PREX2: variants seen among roughly 807,000 people sequenced by gnomAD.
PREX2 encodes the protein phosphatidylinositol 3,4,5-trisphosphate-dependent Rac exchanger 2 protein.
Under a neutral mutation model 203.2 loss-of-function variants are expected in PREX2, and 107 were observed. The observed-to-expected ratio is 0.53, with a 90% confidence interval of 0.45 to 0.62. PREX2 has a LOEUF of 0.62. Ranked by LOEUF, PREX2 falls within the 20% of genes least tolerant of loss-of-function variation. PREX2 has a pLI of 0.00. For missense variants in PREX2, 1,777 were observed against 1,955.9 expected, an observed-to-expected ratio of 0.91 and a Z score of 1.72; for synonymous variants, 672 against 663.6, an observed-to-expected ratio of 1.01 and a Z score of -0.19.
intron 19 of PREX2, among the ~76,000 whole-genome samples, chr8:68,089,000 C>T (rs1236697686): frequency 2.0e-5 from 3 of 152,122 alleles, no homozygotes; most frequent in African/African-American, 7.2e-5. Context: ...CAAGTGCTTT[C>T]TCTCTCAGAT....
In PREX2 at chr8:68,022,053, C is replaced by T; in HGVS notation, c.354C>T (p.Ile118=). The part of the protein sequence containing the change: ...CFLHFKDKFR[I]YDEYCSNHEK... ...ATTCACAGAAAGACAAGTTTCGTAT[C>T]TATGATGAATATTGTAGTAACCATG... Residue 118 remains isoleucine (I), a synonymous_variant, in exon 4 of 40, where the codon ATC becomes ATT. Transcript: ENST00000288368. 6.7e-7 allele frequency: 1 copy of T among 1,498,510 alleles called. No individual in the cohort carries two copies. The highest frequency in any genetic ancestry group is 9.3e-7 in the Non-Finnish European group (1 of 1,075,556). 92.8% of individuals were successfully genotyped at this position (1,498,510 alleles called of 1,614,324 possible).
rs1336147758 is a variant in PREX2, at chr8:68,097,120, G to A, written c.2472G>A (p.Glu824=). Residue 824 remains glutamate (E), a synonymous_variant, in exon 22 of 40, where the codon GAG becomes GAA. Transcript: ENST00000288368. ...NVHLEYGVVY[E]YDSTAGIKCN... ...ACCTGGAATATGGTGTCGTGTATGA[G>A]TACGACAGCACAGCTGGCATCAAGT... 3 of 1,613,764 alleles carry A rather than the reference G, an allele frequency of 1.9e-6. No individual in the cohort carries two copies. Among genetic ancestry groups the A allele is most frequent in the South Asian group, 1.1e-5 (1 of 91,070 alleles).
chr8:68,027,191 A>G (rs1194369247), intron 4 of PREX2, 31 bp from the exon 5 acceptor site: 2 of 1,464,496 alleles, frequency 1.4e-6, no homozygotes, highest in African/African-American at 1.4e-5. Flanking sequence ...ATTATTAAAG[A>G]TGTAATTAAT....
chr8:68,094,604 A>G (rs1229468888), intron 21 of PREX2, among the ~76,000 whole-genome samples: 1 of 152,186 alleles, frequency 6.6e-6, no homozygotes, highest in East Asian at 1.9e-4. Flanking sequence ...TTATTGGTGG[A>G]TGTCTCTGGA....
At chr8:67,971,429 A>G (rs917724707) in intron 1 of PREX2, among the ~76,000 whole-genome samples, 2 of 152,188 alleles carry the variant, frequency 1.3e-5, no homozygotes, top group African/African-American at 2.4e-5. Flanking sequence ...TGCTATTTTT[A>G]AAAAGCTCCC....
At chr8:68,047,045 G>C (rs1005966088) in intron 8 of PREX2, among the ~76,000 whole-genome samples, 1 of 152,042 alleles carries the variant, frequency 6.6e-6, no homozygotes, top group African/African-American at 2.4e-5. Context: ...GCTGGAGCTA[G>C]AGTTAAGTTT....
At chr8:67,979,929 A>G (rs1806217491) in intron 1 of PREX2, among the ~76,000 whole-genome samples, 1 of 152,212 alleles carries the variant, frequency 6.6e-6, no homozygotes, top group Admixed American at 6.5e-5. Context: ...GGTCTACTGC[A>G]ATACCAGACA....
chr8:68,121,350 A>G (rs1810769485), intron 30 of PREX2, among the ~76,000 whole-genome samples: 1 of 152,144 alleles, frequency 6.6e-6, no homozygotes, highest in Non-Finnish European at 1.5e-5. Context: ...AGACAATATC[A>G]TAAACAAATT....
intron 25 of PREX2, among the ~76,000 whole-genome samples, chr8:68,112,193 AG>A (rs1412027291): frequency 1.3e-5 from 2 of 152,228 alleles, no homozygotes; most frequent in African/African-American, 4.8e-5. Flanking sequence ...AATTTAATCA[AG>A]GATTTGTGAT....
chr8:68,087,217 C>A (rs1407839349), intron 18 of PREX2, among the ~76,000 whole-genome samples: 1 of 152,174 alleles, frequency 6.6e-6, no homozygotes. Flanking sequence ...AAACTGACTA[C>A]TTGAAGATTC....
chr8:68,024,263 A>G (rs1318205430), intron 4 of PREX2, among the ~76,000 whole-genome samples: 3 of 152,032 alleles, frequency 2.0e-5, no homozygotes, highest in Non-Finnish European at 4.4e-5. Context: ...TAATGATTCA[A>G]TTATTGAGAA....
In PREX2 at chr8:68,098,938, G is replaced by GTGTATATATA. The variant is rs1352978343; in HGVS notation, c.2554-743_2554-742insGTATATATAT. ...AATCAGAAATGCTACATATATATGT[G>GTGTATATATA]TATATATATATATATATATATATAT... On this transcript the variant is annotated intron_variant, in intron 22 of 39. Transcript: ENST00000288368. Among the ~76,000 whole-genome samples, 11 of 109,808 alleles carry GTGTATATATA rather than the reference G, an allele frequency of 1.0e-4. No individual in the cohort carries two copies. In the East Asian group the frequency reaches 1.6e-3, roughly 16 times the overall value. The allele number at this position is 109,808 out of a possible 152,430, so 72.0% of individuals were successfully genotyped here.
intron 25 of PREX2, among the ~76,000 whole-genome samples, chr8:68,113,211 G>C (rs896167615): frequency 9.9e-5 from 15 of 152,108 alleles, no homozygotes; most frequent in Admixed American, 6.5e-4. Context: ...CCTAACACTT[G>C]TCCCACGGGG....
At chr8:68,221,700 A>G (rs1253318628) in intron 38 of PREX2, among the ~76,000 whole-genome samples, 1 of 152,190 alleles carries the variant, frequency 6.6e-6, no homozygotes, top group Non-Finnish European at 1.5e-5. Flanking sequence ...AACAATATAG[A>G]TGAATTTAAA....
At chr8:68,143,039 C>T (rs1329729580) in intron 33 of PREX2, among the ~76,000 whole-genome samples, 3 of 152,104 alleles carry the variant, frequency 2.0e-5, no homozygotes, top group South Asian at 2.1e-4. Context: ...TCCCTTATAA[C>T]AAATGATAAG....
At position 68,105,679 on chromosome 8, in the gene PREX2, GATTAT is replaced by G. The variant is rs1467552232; in HGVS notation, c.2716-2427_2716-2423del. 4.6e-4 allele frequency: 85 copies of G among 186,634 alleles called. 3 individuals are homozygous for G. The African/African-American group carries it at 9.5e-3, about 21-fold the overall frequency. The allele number at this position is 186,634 out of a possible 1,614,324, so 11.6% of individuals were successfully genotyped here. ...GTAAATGACAGACCATATATATATG[GATTAT>G]ATATATATATATATATGGATATATA... is the stretch of plus-strand genomic sequence containing the variant. On this transcript the variant is annotated intron_variant, in intron 23 of 39. Coordinates refer to ENST00000288368, the MANE Select transcript of PREX2 (RefSeq NM_024870.4).
At position 68,069,689 on chromosome 8, in the gene PREX2, C is replaced by T. The variant is rs375711845; in HGVS notation, c.1444-146C>T. The stretch of plus-strand genomic sequence containing the variant: ...AAATCATATTATTTTTATGATATAT[C>T]ATGATATTTGAATAATTTTTAAATT... On this transcript the variant is annotated intron_variant, in intron 12 of 39. Coordinates refer to ENST00000288368, the MANE Select transcript of PREX2 (RefSeq NM_024870.4). The T allele has an allele frequency of 9.6e-5, 42 of 438,376 alleles. No individual in the cohort carries two copies. The Admixed American group carries it at 1.5e-3, about 16-fold the overall frequency. The allele number at this position is 438,376 out of a possible 1,614,324, so 27.2% of individuals were successfully genotyped here. A position where few individuals can be genotyped will look rare whatever the true frequency, so the allele number is the denominator to read the frequency against.
intron 1 of PREX2, among the ~76,000 whole-genome samples, chr8:68,010,105 C>T (rs1214484116): frequency 6.6e-6 from 1 of 152,182 alleles, no homozygotes; most frequent in African/African-American, 2.4e-5. Flanking sequence ...GTTTGATCCT[C>T]AATAAACTTT....
At chr8:68,169,600 A>G (rs1232192216) in intron 35 of PREX2, among the ~76,000 whole-genome samples, 1 of 152,198 alleles carries the variant, frequency 6.6e-6, no homozygotes, top group Non-Finnish European at 1.5e-5. Flanking sequence ...AGTGAATTCC[A>G]TATTATTATT....
Sources: allele counts gnomAD v4.1 joint callset (sites outside exome capture counted in the v4.1 genomes callset), GRCh38; gene constraint gnomAD v4.1.1; transcripts MANE v1.5; gene names NCBI Gene and HGNC (gene_info 2026-07-23, HGNC 2026-07-21).